Variants in SLC1A7 observed in about 807,000 individuals in gnomAD.
The protein encoded by SLC1A7 is solute carrier family 1 member 7, also known as excitatory amino acid transporter 5.
SLC1A7 carries 40 observed loss-of-function variants against 47.7 expected under a neutral mutation model. The observed-to-expected ratio is 0.84, with a 90% CI of 0.65 to 1.09. SLC1A7 has a LOEUF of 1.09. Ranked by LOEUF, SLC1A7 falls within the 50% of genes least tolerant of loss-of-function variation. SLC1A7 has a pLI of 0.00. For synonymous variants in SLC1A7, 323 were observed against 325.6 expected (o/e 0.99, Z 0.09); for missense variants, 746 against 769.5 (o/e 0.97, Z 0.36).
At chr1:53,141,311 C>T (rs1378273763) in intron 1 of SLC1A7, among the ~76,000 whole-genome samples, 2 of 152,020 alleles carry the variant, frequency 1.3e-5, no homozygotes, top group African/African-American at 2.4e-5. Flanking sequence ...CATTTTCTGT[C>T]CCCGACCCCC....
chr1:53,109,427 C>T (rs1248353381), intron 3 of SLC1A7, among the ~76,000 whole-genome samples: 3 of 152,148 alleles, frequency 2.0e-5, no homozygotes, highest in Non-Finnish European at 4.4e-5. Context: ...TGTGAGCAGG[C>T]GCCAGCCTTC....
At chr1:53,111,183 C>T (rs545499278) in intron 3 of SLC1A7, among the ~76,000 whole-genome samples, 45 of 152,116 alleles carry the variant, frequency 3.0e-4, no homozygotes, top group East Asian at 2.3e-3. Context: ...TCAGGAGAGG[C>T]GACACCCAGG....
At chr1:53,117,341 C>T (rs945544847) in intron 2 of SLC1A7, among the ~76,000 whole-genome samples, 1 of 152,200 alleles carries the variant, frequency 6.6e-6, no homozygotes, top group Non-Finnish European at 1.5e-5. Context: ...TTCAGCACAA[C>T]TCAGGCAGCA....
rs777831070 is a variant in SLC1A7 at position 53,090,012 on chromosome 1, T to C, written c.1227-78A>G. On this transcript the variant is annotated intron_variant, in intron 8 of 10. Coordinates refer to ENST00000371494, the MANE Select transcript of SLC1A7 (RefSeq NM_006671.6). ...TCAGGGTCTGGCTCCAAGGAAGAGG[T>C]TGAGTGTCAGGGCCTCTGGGACAGC... The C allele has an allele frequency of 3.7e-5, 57 of 1,538,960 alleles. No homozygotes were observed. The East Asian group carries it at 1.0e-3, about 28-fold the overall frequency.
Position 53,114,977 on chromosome 1 carries a change from G to A in SLC1A7, c.216-4C>T, listed in dbSNP as rs375422343. 3.5e-5 allele frequency: 56 copies of A among 1,612,486 alleles called. 1 individual carries two copies. The highest frequency in any genetic ancestry group is 4.5e-5 in the Non-Finnish European group (53 of 1,179,350). ...GGAGGCAAGTCCGGACATCAAGCTGGGAGGGCGAGGGGGTCAGGGGCTGTG... is the reference window on the plus strand; with the variant it reads ...GGAGGCAAGTCCGGACATCAAGCTGAGAGGGCGAGGGGGTCAGGGGCTGTG... On this transcript the variant is annotated splice_region_variant and splice_polypyrimidine_tract_variant and intron_variant, in intron 2 of 10. Transcript: ENST00000371494.
At chr1:53,136,279 C>T (rs1158320627) in intron 1 of SLC1A7, among the ~76,000 whole-genome samples, 4 of 148,120 alleles carry the variant, frequency 2.7e-5, no homozygotes, top group East Asian at 3.9e-4. Context: ...CTGCAACCTC[C>T]GCCTCCCAGG....
Position 53,136,151 on chromosome 1 carries a change from C to A in SLC1A7, c.136-1722G>T, listed in dbSNP as rs202044115. ...ATGCCCATCATGACTCTCTCTCTCT[C>A]TATATATATATATATAAAATAATAT... is the stretch of plus-strand genomic sequence containing the variant. On this transcript the variant is annotated intron_variant, in intron 1 of 10. Coordinates refer to ENST00000371494, the MANE Select transcript of SLC1A7 (RefSeq NM_006671.6). Among the ~76,000 whole-genome samples, 1,158 of 133,666 alleles carry A rather than the reference C, an allele frequency of 8.7e-3. 9 individuals are homozygous for A. Among genetic ancestry groups the A allele is most frequent in the South Asian group, 0.036 (152 of 4,212 alleles). 87.7% of individuals were successfully genotyped at this position (133,666 alleles called of 152,430 possible).
intron 10 of SLC1A7, 87 bp downstream of exon 10, chr1:53,088,790 G>T: frequency 1.1e-6 from 1 of 942,258 alleles, no homozygotes; most frequent in Non-Finnish European, 1.6e-6. Flanking sequence ...GCTGGAGGCT[G>T]CCGAGCTGGT....
At chr1:53,108,807 A>G (rs1572324069) in intron 3 of SLC1A7, among the ~76,000 whole-genome samples, 1 of 152,070 alleles carries the variant, frequency 6.6e-6, no homozygotes, top group Admixed American at 6.5e-5. Flanking sequence ...ACAAATGCAA[A>G]CCTTACCTTA....
At chr1:53,091,932 C>T (rs959818050) in intron 7 of SLC1A7, among the ~76,000 whole-genome samples, 3 of 152,242 alleles carry the variant, frequency 2.0e-5, no homozygotes, top group African/African-American at 4.8e-5. Flanking sequence ...GGTCTCTGCA[C>T]TGGGCTGAGG....
At chr1:53,097,941 ACTCACACACCATGCCTCGGTACACT>A (rs1557670740) in intron 5 of SLC1A7, among the ~76,000 whole-genome samples, 5 of 39,602 alleles carry the variant, frequency 1.3e-4, no homozygotes, top group Admixed American at 5.4e-4. Flanking sequence ...ACCTCGGTAC[ACTCACACACCATGCCTCGGTACACT>A]CACACACCAC....
At chr1:53,133,087 G>T (rs951457207) in intron 2 of SLC1A7, among the ~76,000 whole-genome samples, 1 of 152,210 alleles carries the variant, frequency 6.6e-6, no homozygotes. Context: ...CAGGCAAAAA[G>T]TTAGAAGAGT....
chr1:53,125,428 CTG>C (rs1439094388), intron 2 of SLC1A7, among the ~76,000 whole-genome samples: 1 of 152,182 alleles, frequency 6.6e-6, no homozygotes, highest in African/African-American at 2.4e-5. Flanking sequence ...TTATGGAAAA[CTG>C]TGCCCATTTG....
intron 2 of SLC1A7, among the ~76,000 whole-genome samples, chr1:53,124,451 G>A (rs186831039): frequency 6.6e-6 from 1 of 152,334 alleles, no homozygotes; most frequent in Admixed American, 6.5e-5. Context: ...AATGAGGGGA[G>A]AGAAGGGTTT....
intron 6 of SLC1A7, 45 bp from the exon 7 acceptor site, chr1:53,092,832 C>T (rs1644440338): frequency 1.6e-6 from 2 of 1,286,226 alleles, no homozygotes; most frequent in Non-Finnish European, 1.1e-6. Flanking sequence ...GGCAGGCAGA[C>T]ACACCCCGGC....
intron 1 of SLC1A7, among the ~76,000 whole-genome samples, chr1:53,139,111 T>C (rs968374515): frequency 1.3e-5 from 2 of 152,246 alleles, no homozygotes; most frequent in African/African-American, 4.8e-5. Context: ...TCTGCTCGTA[T>C]GTAAGTTTGA....
intron 3 of SLC1A7, chr1:53,108,670 C>T (rs1644671258): frequency 2.8e-6 from 2 of 717,306 alleles, no homozygotes; most frequent in African/African-American, 1.7e-5. Flanking sequence ...GCTTGAGCAA[C>T]CTTCATGGAC....
intron 2 of SLC1A7, among the ~76,000 whole-genome samples, chr1:53,130,488 C>T (rs1156316648): frequency 6.8e-6 from 1 of 145,988 alleles, no homozygotes; most frequent in African/African-American, 2.5e-5. Context: ...TAACCCCCTG[C>T]CCCCATCCCC....
At chr1:53,136,545 T>A (rs12760508) in intron 1 of SLC1A7, among the ~76,000 whole-genome samples, 1 of 41,198 alleles carries the variant, frequency 2.4e-5, no homozygotes, top group Admixed American at 3.3e-4. Flanking sequence ...AACATATATA[T>A]AATATATATA....
Sources: gnomAD v4.1 joint callset for allele counts (sites outside exome capture counted in the v4.1 genomes callset) on GRCh38, gnomAD v4.1.1 for gene constraint, MANE v1.5 for transcripts, NCBI Gene and HGNC (gene_info 2026-07-23, HGNC 2026-07-21) for gene names.